Variants in ANKRD36 observed in about 807,000 individuals in gnomAD.
ANKRD36 encodes the protein ankyrin repeat domain-containing protein 36A.
ANKRD36 carries 179 observed loss-of-function variants against 278.1 expected under a neutral mutation model. That is an observed-to-expected ratio of 0.64 (90% CI 0.57 to 0.73). ANKRD36 has a LOEUF of 0.73. Ranked by LOEUF, ANKRD36 falls within the 30% of genes least tolerant of loss-of-function variation. The probability of loss-of-function intolerance (pLI) is 0.00; values close to 1 mark genes in which losing one functional copy is unlikely to be tolerated. For missense variants in ANKRD36, 1,159 were observed against 1,956.7 expected, an observed-to-expected ratio of 0.59 and a Z score of 7.69; for synonymous variants, 320 against 641.1, an observed-to-expected ratio of 0.50 and a Z score of 7.57.
chr2:97,155,901 T>TA (rs1478148584), intron 15 of ANKRD36, among the ~76,000 whole-genome samples: 1 of 146,628 alleles, frequency 6.8e-6, no homozygotes, highest in African/African-American at 2.4e-5. Flanking sequence ...GGCTTTTTTT[T>TA]AATGGACTGT....
At chr2:97,224,685 C>T (rs1205388257) in intron 66 of ANKRD36, 121 bp from the exon 67 acceptor site, 10 of 885,692 alleles carry the variant, frequency 1.1e-5, no homozygotes, top group Admixed American at 5.8e-5. Context: ...CTCCTGACCT[C>T]GTGATCCACC....
rs555045137 is a variant in ANKRD36, at chr2:97,173,449, C to A, written c.1633+5682C>A. Among the ~76,000 whole-genome samples, 6 of 151,872 alleles carry A rather than the reference C, an allele frequency of 4.0e-5. No homozygotes were observed. In the East Asian group the frequency reaches 1.2e-3, roughly 30 times the overall value. The stretch of plus-strand genomic sequence containing the variant: ...AGAGTGTCTATGGGAGAGAGGAGGC[C>A]ATGGGGCTGCTTTTGTGAAGAAGGA... On this transcript the variant is annotated intron_variant, in intron 22 of 75. Coordinates refer to ENST00000420699, the MANE Select transcript of ANKRD36 (RefSeq NM_001354587.1).
chr2:97,194,479 A>G (rs1215824372), intron 38 of ANKRD36, among the ~76,000 whole-genome samples: 1 of 151,520 alleles, frequency 6.6e-6, no homozygotes, highest in Non-Finnish European at 1.5e-5. Context: ...ACACGGTTTT[A>G]TTTTAGCTTT....
At chr2:97,220,686 ACATGT>A (rs1221863148) in intron 66 of ANKRD36, among the ~76,000 whole-genome samples, 4 of 147,620 alleles carry the variant, frequency 2.7e-5, no homozygotes, top group African/African-American at 1.0e-4. Context: ...GCTGCAATAA[ACATGT>A]CAGGACAGAT....
At chr2:97,212,781 C>G (rs1473750089) in intron 58 of ANKRD36, 1 of 167,962 alleles carries the variant, frequency 6.0e-6, no homozygotes, top group African/African-American at 2.4e-5. Flanking sequence ...GATGAAGAAA[C>G]TTTCAGAAGG....
At chr2:97,152,688 T>G (rs1229241566) in intron 14 of ANKRD36, among the ~76,000 whole-genome samples, 154 bp downstream of exon 14, 1 of 146,106 alleles carries the variant, frequency 6.8e-6, no homozygotes, top group Non-Finnish European at 1.5e-5. Context: ...ATTTGTGCTG[T>G]TATTGCTTTT....
intron 24 of ANKRD36, among the ~76,000 whole-genome samples, chr2:97,180,293 T>C (rs1397214639): frequency 6.6e-6 from 1 of 151,622 alleles, no homozygotes; most frequent in Admixed American, 6.6e-5. Flanking sequence ...TCGTATCATA[T>C]TGTTATCAAC....
chr2:97,197,857 C>T (rs1575695086), intron 42 of ANKRD36, among the ~76,000 whole-genome samples: 1 of 151,860 alleles, frequency 6.6e-6, no homozygotes, highest in Non-Finnish European at 1.5e-5. Flanking sequence ...ATACAAAAAA[C>T]TTAGGCAGAT....
chr2:97,155,916 G>C (rs1484358966), intron 15 of ANKRD36, among the ~76,000 whole-genome samples: 3 of 145,782 alleles, frequency 2.1e-5, no homozygotes, highest in Admixed American at 1.4e-4. Flanking sequence ...GACTGTTACA[G>C]GTAACATAAT....
At chr2:97,138,402 G>A (rs2042067674) in intron 6 of ANKRD36, among the ~76,000 whole-genome samples, 1 of 151,914 alleles carries the variant, frequency 6.6e-6, no homozygotes, top group African/African-American at 2.4e-5. Context: ...ACCTCTTTAA[G>A]GAGAACTACA....
intron 6 of ANKRD36, among the ~76,000 whole-genome samples, chr2:97,133,966 C>T (rs1470669767): frequency 6.6e-6 from 1 of 151,782 alleles, no homozygotes; most frequent in African/African-American, 2.4e-5. Flanking sequence ...TAAGTTCCCT[C>T]TTGGTATTGT....
rs943906354 is a variant in ANKRD36, at chr2:97,113,252, C to T, written c.-488C>T. On this transcript the variant is annotated 5_prime_UTR_variant, in exon 1 of 76. Coordinates refer to ENST00000420699, the MANE Select transcript of ANKRD36 (RefSeq NM_001354587.1). ...CCCGCCTCGCACCCATCAGCGCGGA[C>T]CCCGGGGGCGACGCAGTGGCGAAGT... Among the ~76,000 whole-genome samples the T allele has an allele frequency of 2.4e-4, 37 of 152,220 alleles. No homozygotes were observed. The highest frequency in any genetic ancestry group is 8.7e-4 in the African/African-American group (36 of 41,578).
At chr2:97,118,778 A>C (rs1028523039) in intron 3 of ANKRD36, 5 of 172,918 alleles carry the variant, frequency 2.9e-5, no homozygotes, top group African/African-American at 2.1e-4. Flanking sequence ...ATTCATGACA[A>C]CTGAATTTGG....
intron 67 of ANKRD36, among the ~76,000 whole-genome samples, chr2:97,232,970 A>G (rs1194004160): frequency 2.0e-5 from 3 of 150,904 alleles, no homozygotes; most frequent in African/African-American, 4.9e-5. Flanking sequence ...CCTTTTAGGT[A>G]TGTGGCTTAC....
chr2:97,198,321 G>T, intron 42 of ANKRD36, 142 bp from the exon 43 acceptor site: 2 of 1,499,592 alleles, frequency 1.3e-6, no homozygotes, highest in East Asian at 2.5e-5. Flanking sequence ...TCACGTTCTA[G>T]TCCCCAGACA....
rs1451236027 is a variant in ANKRD36, at chr2:97,183,683, T to C, written c.1939+29T>C. ...ATTTGGCAATACACATTTAATGTCA[T>C]GTGCACTCAAGACAGAAGAGAACGT... is the stretch of plus-strand genomic sequence containing the variant. On this transcript the variant is annotated intron_variant, in intron 28 of 75. Transcript: ENST00000420699. The C allele has an allele frequency of 1.9e-6, 3 of 1,552,544 alleles. No homozygotes were observed. In the East Asian group the frequency reaches 7.2e-5, roughly 37 times the overall value.
At chr2:97,233,602 A>G in intron 67 of ANKRD36, 128 bp from the exon 68 acceptor site, 2 of 1,502,358 alleles carry the variant, frequency 1.3e-6, no homozygotes, top group Non-Finnish European at 1.8e-6. Context: ...ATTGCTTAAA[A>G]AAAAAGTACG....
At chr2:97,206,470 A>AT (rs1333899745) in intron 52 of ANKRD36, among the ~76,000 whole-genome samples, 2 of 151,452 alleles carry the variant, frequency 1.3e-5, no homozygotes, top group African/African-American at 2.4e-5. Context: ...GGAAGTATCG[A>AT]TTTTACAGAT....
chr2:97,143,499 C>T (rs1054048061), intron 8 of ANKRD36, among the ~76,000 whole-genome samples: 1 of 152,226 alleles, frequency 6.6e-6, no homozygotes, highest in African/African-American at 2.4e-5. Flanking sequence ...CTCTTTGTTA[C>T]TATTGGGCAT....
Sources: allele counts gnomAD v4.1 joint callset (sites outside exome capture counted in the v4.1 genomes callset), GRCh38; gene constraint gnomAD v4.1.1; transcripts MANE v1.5; gene names NCBI Gene and HGNC (gene_info 2026-07-23, HGNC 2026-07-21).